The following CSNK1G2 variants were observed in gnomAD, a reference collection of about 807,000 sequenced individuals.
CSNK1G2 encodes the protein casein kinase I isoform gamma-2.
Under a neutral mutation model 48.0 loss-of-function variants are expected in CSNK1G2, and 11 were observed. The observed-to-expected ratio is 0.23, with a 90% confidence interval of 0.14 to 0.38. The LOEUF is 0.38. Among genes scored for constraint, CSNK1G2 ranks in the 10% least tolerant of loss-of-function variants. The probability of loss-of-function intolerance (pLI) is 1.00; values close to 1 mark genes in which losing one functional copy is unlikely to be tolerated. For missense variants in CSNK1G2, 446 were observed against 595.5 expected (o/e 0.75, Z 2.61); for synonymous variants, 337 against 254.1 (o/e 1.33, Z -3.10).
intron 1 of CSNK1G2, among the ~76,000 whole-genome samples, chr19:1,958,272 C>T (rs1035583141): frequency 1.3e-5 from 2 of 151,986 alleles, no homozygotes; most frequent in East Asian, 3.9e-4. Context: ...GCCGCTGGGC[C>T]TCGCTTCGTC....
intron 1 of CSNK1G2, among the ~76,000 whole-genome samples, chr19:1,947,188 C>A (rs1170430367): frequency 6.6e-6 from 1 of 151,908 alleles, no homozygotes; most frequent in Non-Finnish European, 1.5e-5. Flanking sequence ...TATCTGGAAA[C>A]TTCCACCCTC....
chr19:1,962,025 C>CA (rs1314513705), intron 1 of CSNK1G2, among the ~76,000 whole-genome samples: 1 of 152,202 alleles, frequency 6.6e-6, no homozygotes, highest in African/African-American at 2.4e-5. Context: ...CAGCCAAAAA[C>CA]ACGCAAATTA....
chr19:1,953,721 C>A, intron 1 of CSNK1G2: 1 of 392,514 alleles, frequency 2.5e-6, no homozygotes, highest in Non-Finnish European at 5.2e-6. Flanking sequence ...CGCCGTCCCC[C>A]ACATCCCCCC....
chr19:1,968,299 G>A (rs1285800141), intron 1 of CSNK1G2, among the ~76,000 whole-genome samples: 1 of 133,706 alleles, frequency 7.5e-6, no homozygotes, highest in Non-Finnish European at 1.6e-5. Context: ...CTGCAGGTGG[G>A]GGCTCCTCCC....
At chr19:1,953,332 A>G (rs1222065985) in intron 1 of CSNK1G2, 3 of 527,338 alleles carry the variant, frequency 5.7e-6, no homozygotes, top group Admixed American at 3.9e-5. Context: ...GAGGTGGCGC[A>G]GGGTTGCTGT....
Position 1,957,841 on chromosome 19 carries a change from C to G in CSNK1G2, c.-265-11667C>G, listed in dbSNP as rs989490235. ...CCGTGTTTGTGGGGTGGGAGCTAGG[C>G]GGGCGCCGTTTATGTGGGGTGGGCG... On this transcript the variant is annotated intron_variant, in intron 1 of 11. Coordinates refer to ENST00000255641, the MANE Select transcript of CSNK1G2 (RefSeq NM_001319.7). This position sits in a 1 kb window ranked among gnomAD's most constrained non-coding sequence, Gnocchi z 5.4. Among the ~76,000 whole-genome samples the G allele has an allele frequency of 6.6e-6, 1 of 150,766 alleles. No individual in the cohort carries two copies. Among genetic ancestry groups the G allele is most frequent in the East Asian group, 2.0e-4 (1 of 5,112 alleles).
intron 1 of CSNK1G2, among the ~76,000 whole-genome samples, chr19:1,941,653 C>G (rs538810522): frequency 6.7e-6 from 1 of 150,000 alleles, no homozygotes; most frequent in African/African-American, 2.5e-5. Flanking sequence ...ACTCGGGACC[C>G]CAGCGTCCCC....
In CSNK1G2 at chr19:1,980,459, A is replaced by T. The variant is rs184027491; in HGVS notation, c.*256A>T. ...CCCTCCAAGAGCATTAACTATTTAA[A>T]ACAAGGAAAAGAGGAAAAAAAAAAC... On this transcript the variant is annotated 3_prime_UTR_variant, in exon 12 of 12. Transcript: ENST00000255641. The T allele has an allele frequency of 2.8e-4, 152 of 546,132 alleles. No individual in the cohort carries two copies. The highest frequency in any genetic ancestry group is 2.6e-3 in the African/African-American group (133 of 51,684). The allele number at this position is 546,132 out of a possible 1,614,324, so 33.8% of individuals were successfully genotyped here.
Position 1,978,166 on chromosome 19 carries a change from C to A in CSNK1G2, c.188-139C>A. 2 of 858,238 alleles carry A rather than the reference C, an allele frequency of 2.3e-6. No individual in the cohort carries two copies. Among genetic ancestry groups the A allele is most frequent in the East Asian group, 2.4e-5 (1 of 40,876 alleles). 53.2% of individuals were successfully genotyped at this position (858,238 alleles called of 1,614,324 possible). A position where few individuals can be genotyped will look rare whatever the true frequency, so the allele number is the denominator to read the frequency against. ...AGTGCTCTGGCAGGCTGGGCCCAGGCCCTGCTGCTGGGCAGTGGTGTCATT... is the reference window on the plus strand; with the variant it reads ...AGTGCTCTGGCAGGCTGGGCCCAGGACCTGCTGCTGGGCAGTGGTGTCATT... On this transcript the variant is annotated intron_variant, in intron 2 of 11. Transcript: ENST00000255641. This position sits in a 1 kb window ranked among gnomAD's most constrained non-coding sequence, Gnocchi z 7.3.
chr19:1,975,664 C>T (rs1025128994), intron 2 of CSNK1G2: 3 of 985,242 alleles, frequency 3.0e-6, no homozygotes, highest in African/African-American at 3.5e-5. Flanking sequence ...AAATGCTGGA[C>T]TGAACCTGCA....
rs146262246 is a variant in CSNK1G2, at chr19:1,951,881, C to T, written c.-266+10463C>T. On this transcript the variant is annotated intron_variant, in intron 1 of 11. Transcript: ENST00000255641. Reference sequence around the variant, plus strand: ...ATTTTTAGTAGAGACGGGGTTTCACCGTGTTAGCGAAGATGGTCTCGATCT... The same window carrying T: ...ATTTTTAGTAGAGACGGGGTTTCACTGTGTTAGCGAAGATGGTCTCGATCT... 3.1e-3 allele frequency among the ~76,000 whole-genome samples: 473 copies of T among 152,124 alleles called. 4 individuals are homozygous for T. The highest frequency in any genetic ancestry group is 0.011 in the African/African-American group (444 of 41,494).
rs77684435 is a variant in CSNK1G2, at chr19:1,957,828, G to A, written c.-265-11680G>A. 0.16 allele frequency among the ~76,000 whole-genome samples: 23,669 copies of A among 151,570 alleles called. 1,958 individuals carry two copies. The highest frequency in any genetic ancestry group is 0.19 in the South Asian group (910 of 4,768). On this transcript the variant is annotated intron_variant, in intron 1 of 11. Coordinates refer to ENST00000255641, the MANE Select transcript of CSNK1G2 (RefSeq NM_001319.7). This position sits in a 1 kb window ranked among gnomAD's most constrained non-coding sequence, Gnocchi z 5.4. Reference sequence around the variant, plus strand: ...TGCTCGGCGGGCGCCGTGTTTGTGGGGTGGGAGCTAGGCGGGCGCCGTTTA... The same window carrying A: ...TGCTCGGCGGGCGCCGTGTTTGTGGAGTGGGAGCTAGGCGGGCGCCGTTTA...
In CSNK1G2 at chr19:1,969,983, T is replaced by C. The variant is rs570987668; in HGVS notation, c.187+24T>C. 128 of 1,299,402 alleles carry C rather than the reference T, an allele frequency of 9.9e-5. No individual in the cohort carries two copies. In the South Asian group the frequency reaches 3.8e-3, roughly 38 times the overall value. 80.5% of individuals were successfully genotyped at this position (1,299,402 alleles called of 1,614,324 possible). ...AGGTGAGGCCCTGCTCGGTGGTAGGTGGGGTCGGGAGGCTGCTGGCAGGGC... is the reference window on the plus strand; with the variant it reads ...AGGTGAGGCCCTGCTCGGTGGTAGGCGGGGTCGGGAGGCTGCTGGCAGGGC... On this transcript the variant is annotated intron_variant, in intron 2 of 11. Transcript: ENST00000255641.
At chr19:1,979,433 C>T in intron 8 of CSNK1G2, 30 bp downstream of exon 8, 13 of 614,938 alleles carry the variant, frequency 2.1e-5, no homozygotes, top group South Asian at 3.3e-5. Context: ...CCGCCCTGTG[C>T]CCCCCACCCC....
In CSNK1G2 at chr19:1,946,803, G is replaced by A. The variant is rs562605462; in HGVS notation, c.-266+5385G>A. The stretch of plus-strand genomic sequence containing the variant: ...AATTTTTGTATTTTTAGTACAGACG[G>A]GGTTTCACTGTGTTAGCCAGGATGG... On this transcript the variant is annotated intron_variant, in intron 1 of 11. Coordinates refer to ENST00000255641, the MANE Select transcript of CSNK1G2 (RefSeq NM_001319.7). 1.5e-3 allele frequency among the ~76,000 whole-genome samples: 221 copies of A among 150,924 alleles called. 2 individuals carry two copies. Among genetic ancestry groups the A allele is most frequent in the Non-Finnish European group, 2.4e-3 (162 of 67,826 alleles).
At position 1,957,075 on chromosome 19, in the gene CSNK1G2, G is replaced by A. The variant is rs763179755; in HGVS notation, c.-265-12433G>A. Among the ~76,000 whole-genome samples, 1 of 152,188 alleles carries A rather than the reference G, an allele frequency of 6.6e-6. No individual in the cohort carries two copies. Among genetic ancestry groups the A allele is most frequent in the Non-Finnish European group, 1.5e-5 (1 of 68,028 alleles). ...TGCCCTGATGCTGCGTGGCTTAAAC[G>A]GTGCCACCCGGAGATTGGTGGGCGG... On this transcript the variant is annotated intron_variant, in intron 1 of 11. Transcript: ENST00000255641. The surrounding 1 kb of genome is among the most constrained non-coding windows in gnomAD (Gnocchi z 5.4).
rs1037188197 is a variant in CSNK1G2 at position 1,978,606 on chromosome 19, C to G, written c.303C>G (p.Gly101=). Reference sequence around the variant, plus strand: ...TGCGTCTGTCCTCCGCCGCAGAGGGCGTCCCTCAGGTCTACTACTTCGGTC... The same window carrying G: ...TGCGTCTGTCCTCCGCCGCAGAGGGGGTCCCTCAGGTCTACTACTTCGGTC... ...RFYKQLSATE[G]VPQVYYFGPC... The change falls in exon 5 of 12, where the codon GGC becomes GGG. Residue 101 remains glycine, a synonymous_variant. Transcript: ENST00000255641. The surrounding 1 kb of genome is among the most constrained non-coding windows in gnomAD (Gnocchi z 7.3). 1 of 1,594,998 alleles carries G rather than the reference C, an allele frequency of 6.3e-7. No individual in the cohort carries two copies.
At chr19:1,975,108 G>T in intron 2 of CSNK1G2, 3 of 985,490 alleles carry the variant, frequency 3.0e-6, no homozygotes, top group Non-Finnish European at 3.6e-6. Flanking sequence ...TTCTTCCACA[G>T]TGCAGAGTAG....
intron 2 of CSNK1G2, chr19:1,975,127 G>C (rs776839944): frequency 2.5e-5 from 25 of 985,354 alleles, no homozygotes; most frequent in Non-Finnish European, 2.8e-5. Context: ...AGAAGAGCCG[G>C]GAAGGACCCC....
Sources: gnomAD v4.1 joint callset for allele counts (sites outside exome capture counted in the v4.1 genomes callset) on GRCh38, gnomAD v4.1.1 for gene constraint, Gnocchi (gnomAD v3.1) non-coding constraint, MANE v1.5 for transcripts, NCBI Gene and HGNC (gene_info 2026-07-23, HGNC 2026-07-21) for gene names.